LIMS1: variants seen among roughly 807,000 people sequenced by gnomAD.
The protein encoded by LIMS1 is LIM and senescent cell antigen-like-containing domain protein 1.
In LIMS1, 18 loss-of-function variants were observed where a neutral mutation model predicts 44.1. The ratio of observed to expected loss-of-function variants is 0.41; its 90% CI spans 0.28 to 0.61. The LOEUF (loss-of-function observed/expected upper bound fraction) is 0.61. Ranked by LOEUF, LIMS1 falls within the 20% of genes least tolerant of loss-of-function variation. The probability of loss-of-function intolerance (pLI) is 0.32; values close to 1 mark genes in which losing one functional copy is unlikely to be tolerated. For missense variants in LIMS1, 201 were observed against 422.0 expected (o/e 0.48, Z 4.59); for synonymous variants, 93 against 149.1 (o/e 0.62, Z 2.74).
intron 1 of LIMS1, chr2:108,607,288 C>A (rs776706213): frequency 6.5e-7 from 1 of 1,546,054 alleles, no homozygotes; most frequent in Non-Finnish European, 8.8e-7. Flanking sequence ...GAGCTGTTCC[C>A]CCTCCAAATG....
At chr2:108,635,408 G>GA (rs1689171399) in intron 1 of LIMS1, among the ~76,000 whole-genome samples, 1 of 118,926 alleles carries the variant, frequency 8.4e-6, no homozygotes, top group Non-Finnish European at 1.6e-5. Flanking sequence ...AGCCTGGGGG[G>GA]AAAGAGCAAG....
At chr2:108,534,199 A>G (rs1684026827), upstream of LIMS1, 1 of 154,620 alleles carries the variant, frequency 6.5e-6, no homozygotes, top group Non-Finnish European at 1.4e-5. Context: ...AGCCTCCCAG[A>G]CTAGCCTGGG....
chr2:108,673,167 C>G (rs1692259971), intron 5 of LIMS1, 138 bp downstream of exon 5: 19 of 1,307,426 alleles, frequency 1.5e-5, no homozygotes, highest in Admixed American at 2.4e-5. Flanking sequence ...ATAGACGAGT[C>G]AAGAGAATGA....
At chr2:108,552,613 T>G (rs538078089) in intron 1 of LIMS1, among the ~76,000 whole-genome samples, 1 of 148,594 alleles carries the variant, frequency 6.7e-6, no homozygotes, top group African/African-American at 2.5e-5. Flanking sequence ...TGTGTGTGTG[T>G]TTTTGGAGAC....
At chr2:108,677,615 C>T (rs2433838) in intron 7 of LIMS1, 2 of 237,644 alleles carry the variant, frequency 8.4e-6, no homozygotes, top group South Asian at 8.0e-5. Context: ...CTGCAAACGA[C>T]ACTTCTCCAG....
chr2:108,588,602 T>C (rs758081087), intron 1 of LIMS1: 167 of 985,286 alleles, frequency 1.7e-4, no homozygotes, highest in Non-Finnish European at 1.9e-4. Flanking sequence ...GAAATGGACA[T>C]GATTGCCTAA....
chr2:108,593,683 G>A (rs1461384134), intron 1 of LIMS1, among the ~76,000 whole-genome samples: 1 of 152,128 alleles, frequency 6.6e-6, no homozygotes, highest in Non-Finnish European at 1.5e-5. Context: ...CAACTCTTAG[G>A]GCTGCCAGCC....
intron 1 of LIMS1, among the ~76,000 whole-genome samples, chr2:108,575,392 A>G (rs746290462): frequency 3.2e-4 from 48 of 152,252 alleles, no homozygotes; most frequent in Non-Finnish European, 5.4e-4. Context: ...GTTAGCTGAA[A>G]TAGTAGAGAT....
intron 1 of LIMS1, among the ~76,000 whole-genome samples, chr2:108,606,579 A>T (rs1465714126): frequency 6.6e-6 from 1 of 152,254 alleles, no homozygotes; most frequent in Non-Finnish European, 1.5e-5. Flanking sequence ...TTCAAGAAGC[A>T]TTTCTTAGGT....
chr2:108,681,563 T>A, intron 9 of LIMS1: 6 of 957,958 alleles, frequency 6.3e-6, no homozygotes, highest in Non-Finnish European at 5.0e-6. Flanking sequence ...GATCATTTAA[T>A]TGATAAATTA....
intron 1 of LIMS1, among the ~76,000 whole-genome samples, chr2:108,537,098 C>T (rs1410419927): frequency 6.6e-6 from 1 of 152,186 alleles, no homozygotes; most frequent in East Asian, 1.9e-4. Context: ...AGTACCACGG[C>T]CCTCTTTAGT....
intron 1 of LIMS1, among the ~76,000 whole-genome samples, chr2:108,642,860 G>A (rs568653752): frequency 6.6e-6 from 1 of 152,292 alleles, no homozygotes; most frequent in East Asian, 1.9e-4. Flanking sequence ...TTAGCAGACA[G>A]TTGGAATCTG....
intron 1 of LIMS1, among the ~76,000 whole-genome samples, chr2:108,578,877 A>C (rs1411034787): frequency 2.0e-5 from 3 of 152,190 alleles, no homozygotes; most frequent in Admixed American, 2.0e-4. Flanking sequence ...TACAGGCGTG[A>C]GCCATTGCTC....
rs771325535 is a variant in LIMS1 at position 108,611,854 on chromosome 2, T to TATATATAC, written c.33-47750_33-47749insTATATACA. ...GATCTAAAATATATATATATATATA[T>TATATATAC]ACACACATATATATACACATATATA... On this transcript the variant is annotated intron_variant, in intron 1 of 9. Transcript: ENST00000544547. Among the ~76,000 whole-genome samples the TATATATAC allele has an allele frequency of 8.8e-5, 11 of 125,246 alleles. No individual in the cohort carries two copies. In the South Asian group the frequency reaches 1.0e-3, roughly 12 times the overall value. The allele number at this position is 125,246 out of a possible 152,430, so 82.2% of individuals were successfully genotyped here. A position where few individuals can be genotyped will look rare whatever the true frequency, so the allele number is the denominator to read the frequency against.
intron 1 of LIMS1, among the ~76,000 whole-genome samples, chr2:108,624,583 C>A (rs760608476): frequency 1.3e-5 from 2 of 151,262 alleles, no homozygotes; most frequent in Non-Finnish European, 2.9e-5. Context: ...GTGGTGAAAC[C>A]CCATCTCTAC....
chr2:108,596,522 T>A (rs1382151533), intron 1 of LIMS1, among the ~76,000 whole-genome samples: 1 of 152,282 alleles, frequency 6.6e-6, no homozygotes, highest in Non-Finnish European at 1.5e-5. Context: ...CCATTAGGGA[T>A]GTATGTAAAG....
chr2:108,647,240 G>A (rs976656534), intron 1 of LIMS1, among the ~76,000 whole-genome samples: 8 of 152,102 alleles, frequency 5.3e-5, no homozygotes, highest in Non-Finnish European at 1.2e-4. Flanking sequence ...CGCTGGACAT[G>A]TACACCCTCC....
chr2:108,625,960 A>G (rs1211093261), intron 1 of LIMS1, among the ~76,000 whole-genome samples: 1 of 152,212 alleles, frequency 6.6e-6, no homozygotes, highest in African/African-American at 2.4e-5. Context: ...GTTATAGGCC[A>G]GGCACTGCAT....
chr2:108,603,254 G>T (rs968850982), intron 1 of LIMS1, among the ~76,000 whole-genome samples: 1 of 152,240 alleles, frequency 6.6e-6, no homozygotes, highest in East Asian at 1.9e-4. Context: ...CAGTGAAGCC[G>T]TCAGGTCCTG....
Sources: gnomAD v4.1 joint callset for allele counts (sites outside exome capture counted in the v4.1 genomes callset) on GRCh38, gnomAD v4.1.1 for gene constraint, MANE v1.5 for transcripts, NCBI Gene and HGNC (gene_info 2026-07-23, HGNC 2026-07-21) for gene names.